The following GLG1 variants were observed in gnomAD, a reference collection of about 807,000 sequenced individuals.
GLG1 encodes the protein Golgi apparatus protein 1.
GLG1 carries 38 observed loss-of-function variants against 160.5 expected under a neutral mutation model. The ratio of observed to expected loss-of-function variants is 0.24; its 90% CI spans 0.18 to 0.31. The LOEUF is 0.31. GLG1 is among the 10% of genes least tolerant of loss of function. The pLI is 1.00. For missense variants in GLG1, 1,373 were observed against 1,505.2 expected, an observed-to-expected ratio of 0.91 and a Z score of 1.45; for synonymous variants, 644 against 543.4, an observed-to-expected ratio of 1.19 and a Z score of -2.57.
intron 21 of GLG1, 59 bp from the exon 22 acceptor site, chr16:74,462,254 A>C (rs1597223396): frequency 2.2e-6 from 2 of 914,932 alleles, no homozygotes; most frequent in Non-Finnish European, 3.5e-6. Context: ...TTTCTACAAA[A>C]GCAGGACATG....
rs766521785 is a variant in GLG1 at position 74,491,042 on chromosome 16, G to C, written c.1408C>G (p.Arg470Gly). ...ATTCCAAGGTTCCCCTTCTCCCCTC[G>C]AACTACTTTCATCAGACAGTGTAGG... ...RTLHCLMKVV[R>G]GEKGNLGMNC... is the part of the protein sequence containing the mutation. Residue 470 changes from arginine to glycine, a missense_variant, in exon 8 of 26, where the codon CGA becomes GGA. This residue lies in a region of GLG1 where 386 missense variants were observed against 388.5 expected (regional missense o/e 0.99). Coordinates refer to ENST00000422840, the MANE Select transcript of GLG1 (RefSeq NM_001145667.2). The C allele has an allele frequency of 6.8e-6, 11 of 1,614,016 alleles. No homozygotes were observed. Among genetic ancestry groups the C allele is most frequent in the Non-Finnish European group, 9.3e-6 (11 of 1,179,952 alleles).
intron 22 of GLG1, among the ~76,000 whole-genome samples, chr16:74,460,850 C>A (rs1355065849): frequency 1.3e-5 from 2 of 152,120 alleles, no homozygotes; most frequent in Non-Finnish European, 2.9e-5. Context: ...TATATATAAC[C>A]AAATCAAATA....
intron 1 of GLG1, among the ~76,000 whole-genome samples, chr16:74,600,164 T>C (rs1378994130): frequency 1.3e-5 from 2 of 152,232 alleles, no homozygotes; most frequent in Non-Finnish European, 2.9e-5. Context: ...TATTTTATAG[T>C]CATATATTTA....
intron 1 of GLG1, among the ~76,000 whole-genome samples, chr16:74,533,520 C>T (rs564324692): frequency 7.9e-5 from 12 of 152,284 alleles, no homozygotes; most frequent in African/African-American, 2.2e-4. Flanking sequence ...GTGGCTCACA[C>T]CTGTAATCCC....
In GLG1 at chr16:74,474,565, A is replaced by G; in HGVS notation, c.2033T>C (p.Leu678Pro). 1 of 1,539,360 alleles carries G rather than the reference A, an allele frequency of 6.5e-7. No homozygotes were observed. The highest frequency in any genetic ancestry group is 9.0e-7 in the Non-Finnish European group (1 of 1,111,826). ...ACTTACCTCTGATTCTAACTCAGTG[A>G]GGTTGCCAACTATATCTCTACACTC... ...VVECRDIVGN[L>P]TELESEDIQI... The change falls in exon 13 of 26, where the codon CTC (leucine) becomes CCC (proline). Residue 678 changes from leucine to proline, a missense_variant. Transcript: ENST00000422840.
chr16:74,508,256 G>T (rs1453638399), intron 3 of GLG1, among the ~76,000 whole-genome samples: 1 of 146,982 alleles, frequency 6.8e-6, no homozygotes, highest in African/African-American at 2.5e-5. Context: ...TTTTCTCTGT[G>T]ATTCTCATAT....
rs765281655 is a variant in GLG1 at position 74,452,162 on chromosome 16, C to T, written c.*1005G>A. On this transcript the variant is annotated 3_prime_UTR_variant, in exon 26 of 26. Coordinates refer to ENST00000422840, the MANE Select transcript of GLG1 (RefSeq NM_001145667.2). Reference sequence around the variant, plus strand: ...AAATAAAGCAAAGTGAGTCAAACCTCTGGCTCCCACTTCCTGACCCACTGC... The same window carrying T: ...AAATAAAGCAAAGTGAGTCAAACCTTTGGCTCCCACTTCCTGACCCACTGC... 5 of 1,611,488 alleles carry T rather than the reference C, an allele frequency of 3.1e-6. No homozygotes were observed. The highest frequency in any genetic ancestry group is 3.4e-6 in the Non-Finnish European group (4 of 1,178,532).
intron 11 of GLG1, among the ~76,000 whole-genome samples, chr16:74,478,806 G>C (rs1409334873): frequency 6.6e-6 from 1 of 150,728 alleles, no homozygotes; most frequent in Non-Finnish European, 1.5e-5. Context: ...CAGCTAATCT[G>C]GAGGGTGAGG....
At chr16:74,560,195 T>C (rs2018470052) in intron 1 of GLG1, among the ~76,000 whole-genome samples, 1 of 152,088 alleles carries the variant, frequency 6.6e-6, no homozygotes, top group African/African-American at 2.4e-5. Context: ...TCCTTCCCAA[T>C]GTGGGTGGGT....
At chr16:74,542,514 C>CA (rs1247113634) in intron 1 of GLG1, among the ~76,000 whole-genome samples, 3 of 151,388 alleles carry the variant, frequency 2.0e-5, no homozygotes, top group Non-Finnish European at 2.9e-5. Flanking sequence ...ATTAAAAATA[C>CA]AAAAAAATTA....
rs2014329060 is a variant in GLG1 at position 74,452,023 on chromosome 16, G to A, written c.*1144C>T. ...TCCACGTAGAGGCACAAAGGAGCTT[G>A]TCTGGGAAGTTTGTCTGGAGTGTGC... On this transcript the variant is annotated 3_prime_UTR_variant, in exon 26 of 26. Coordinates refer to ENST00000422840, the MANE Select transcript of GLG1 (RefSeq NM_001145667.2). 6.8e-7 allele frequency: 1 copy of A among 1,480,566 alleles called. No homozygotes were observed. Among genetic ancestry groups the A allele is most frequent in the African/African-American group, 1.4e-5 (1 of 72,428 alleles). The allele number at this position is 1,480,566 out of a possible 1,614,324, so 91.7% of individuals were successfully genotyped here.
chr16:74,492,888 T>C lies in GLG1; in HGVS notation c.1234+69A>G, dbSNP rs562028838. ...ATGGGAGGAAACTAACGTTTATATA[T>C]ATAAAGCTTTAGAGTGTGAATCCAA... On this transcript the variant is annotated intron_variant, in intron 7 of 25. Coordinates refer to ENST00000422840, the MANE Select transcript of GLG1 (RefSeq NM_001145667.2). The C allele has an allele frequency of 1.8e-4, 152 of 865,964 alleles. No homozygotes were observed. The African/African-American group carries it at 2.4e-3, about 14-fold the overall frequency. 53.6% of individuals were successfully genotyped at this position (865,964 alleles called of 1,614,324 possible). A position where few individuals can be genotyped will look rare whatever the true frequency, so the allele number is the denominator to read the frequency against.
intron 1 of GLG1, among the ~76,000 whole-genome samples, chr16:74,598,700 C>G (rs1342615404): frequency 6.6e-6 from 1 of 151,458 alleles, no homozygotes; most frequent in Non-Finnish European, 1.5e-5. Flanking sequence ...TGAGACCACC[C>G]TGGTCAACAT....
At chr16:74,472,644 T>C (rs1199996617) in intron 13 of GLG1, 14 of 1,161,774 alleles carry the variant, frequency 1.2e-5, no homozygotes, top group Non-Finnish European at 1.6e-5. Flanking sequence ...CCTGAACAAA[T>C]GAGAAGGCAG....
At chr16:74,604,063 G>A (rs1189043038) in intron 1 of GLG1, among the ~76,000 whole-genome samples, 1 of 151,936 alleles carries the variant, frequency 6.6e-6, no homozygotes, top group Non-Finnish European at 1.5e-5. Flanking sequence ...AGCCCAGCTG[G>A]GAAGATCACT....
chr16:74,453,470 A>T (rs1267173385), intron 25 of GLG1, 136 bp from the exon 26 acceptor site: 4 of 619,196 alleles, frequency 6.5e-6, no homozygotes, highest in Non-Finnish European at 1.2e-5. Context: ...AGATAAGAAA[A>T]ATCAACACAG....
At chr16:74,510,636 T>C (rs2016774673) in intron 2 of GLG1, among the ~76,000 whole-genome samples, 1 of 152,212 alleles carries the variant, frequency 6.6e-6, no homozygotes, top group Non-Finnish European at 1.5e-5. Context: ...CATCAATCAC[T>C]GATTCAGTTA....
At chr16:74,483,250 T>C in intron 9 of GLG1, 126 bp from the exon 10 acceptor site, 1 of 634,870 alleles carries the variant, frequency 1.6e-6, no homozygotes, top group Non-Finnish European at 2.8e-6. Context: ...GATTTATTTT[T>C]CTAAGAATCA....
At chr16:74,584,632 C>A (rs1053477788) in intron 1 of GLG1, among the ~76,000 whole-genome samples, 1 of 151,834 alleles carries the variant, frequency 6.6e-6, no homozygotes, top group Admixed American at 6.6e-5. Context: ...AAACCACACA[C>A]TGGGGGCTGG....
Sources: allele counts gnomAD v4.1 joint callset (sites outside exome capture counted in the v4.1 genomes callset), GRCh38; gene constraint gnomAD v4.1.1; regional missense constraint gnomAD v4.1.1; transcripts MANE v1.5; gene names NCBI Gene and HGNC (gene_info 2026-07-23, HGNC 2026-07-21).